TSPEAR: variants seen among roughly 807,000 people sequenced by gnomAD.
The protein encoded by TSPEAR is thrombospondin-type laminin G domain and EAR repeat-containing protein.
TSPEAR carries 69 observed loss-of-function variants against 71.6 expected under a neutral mutation model. That is an observed-to-expected ratio of 0.96 (90% CI 0.79 to 1.18). The LOEUF is 1.18. TSPEAR is among the 50% of genes most tolerant of loss of function. TSPEAR has a pLI of 0.00. For missense variants in TSPEAR, 971 were observed against 894.9 expected, an observed-to-expected ratio of 1.09 and a Z score of -1.09; for synonymous variants, 402 against 387.2, an observed-to-expected ratio of 1.04 and a Z score of -0.45.
intron 1 of TSPEAR, among the ~76,000 whole-genome samples, chr21:44,620,980 T>A (rs1223984861): frequency 1.3e-5 from 2 of 152,252 alleles, no homozygotes; most frequent in Non-Finnish European, 2.9e-5. Context: ...TTTTCTTTTG[T>A]TACTGATTTC....
intron 1 of TSPEAR, among the ~76,000 whole-genome samples, chr21:44,597,334 A>G (rs1311172395): frequency 6.6e-6 from 1 of 151,784 alleles, no homozygotes; most frequent in Admixed American, 6.6e-5. Flanking sequence ...TCTGATATTC[A>G]TAAGTCACAC....
At chr21:44,660,175 GAAGA>G (rs1985412129) in intron 1 of TSPEAR, among the ~76,000 whole-genome samples, 1 of 152,214 alleles carries the variant, frequency 6.6e-6, no homozygotes, top group African/African-American at 2.4e-5. Context: ...CCCTCAAAGA[GAAGA>G]AAGAGAGGGC....
At chr21:44,513,254 G>A (rs1226399422) in intron 9 of TSPEAR, among the ~76,000 whole-genome samples, 1 of 152,168 alleles carries the variant, frequency 6.6e-6, no homozygotes, top group Non-Finnish European at 1.5e-5. Flanking sequence ...GCCCCTTGCA[G>A]GTTGGAGTGA....
At chr21:44,521,764 A>G in intron 9 of TSPEAR, 119 bp downstream of exon 9, 2 of 949,110 alleles carry the variant, frequency 2.1e-6, no homozygotes, top group Admixed American at 2.2e-5. Flanking sequence ...TCACGGGTGC[A>G]GAGCAGCACT....
At chr21:44,668,075 G>C (rs910811528) in intron 1 of TSPEAR, among the ~76,000 whole-genome samples, 24 of 152,104 alleles carry the variant, frequency 1.6e-4, no homozygotes, top group Admixed American at 1.3e-3. Flanking sequence ...AAGAAAGAAA[G>C]AAACAAAAAG....
At chr21:44,655,335 G>T (rs1454534046) in intron 1 of TSPEAR, among the ~76,000 whole-genome samples, 4 of 152,340 alleles carry the variant, frequency 2.6e-5, no homozygotes, top group African/African-American at 9.6e-5. Context: ...GGGCTTGAAG[G>T]TTCAATAAGT....
intron 1 of TSPEAR, chr21:44,591,919 G>C (rs782772410): frequency 2.2e-5 from 35 of 1,604,268 alleles, no homozygotes; most frequent in Non-Finnish European, 2.6e-5. Context: ...CTCACAGACC[G>C]CCTGGCAGCA....
At chr21:44,702,182 C>T (rs1042406947) in intron 1 of TSPEAR, 6 of 1,505,226 alleles carry the variant, frequency 4.0e-6, no homozygotes, top group Non-Finnish European at 4.5e-6. Context: ...CCATCCACCC[C>T]ACAGAGCAAA....
At chr21:44,646,400 A>G in intron 1 of TSPEAR, 6 of 1,128,336 alleles carry the variant, frequency 5.3e-6, no homozygotes, top group Non-Finnish European at 7.3e-6. Flanking sequence ...TCACTCACTC[A>G]CACACACACT....
chr21:44,574,451 CGTCTGCTGCAAGACT>C lies in TSPEAR; in HGVS notation c.83-6461_83-6447del, dbSNP rs782744566. On this transcript the variant is annotated intron_variant, in intron 1 of 11. Coordinates refer to ENST00000323084, the MANE Select transcript of TSPEAR (RefSeq NM_144991.3). ...CCTGCCAGCAGGCCTGCTGCGTGCC[CGTCTGCTGCAAGACT>C]GTCTGCTGCAAGCCTGTGTGCTCTG... The C allele has an allele frequency of 8.6e-5, 138 of 1,599,308 alleles. 1 individual carries two copies. In the African/African-American group the frequency reaches 1.4e-3, roughly 16 times the overall value.
intron 2 of TSPEAR, among the ~76,000 whole-genome samples, chr21:44,562,959 A>G (rs1354530720): frequency 5.9e-5 from 9 of 152,218 alleles, no homozygotes; most frequent in Non-Finnish European, 7.4e-5. Flanking sequence ...GTAATTATAA[A>G]AAGTAGTACA....
intron 2 of TSPEAR, chr21:44,557,955 TG>T: frequency 7.1e-7 from 1 of 1,407,920 alleles, no homozygotes; most frequent in Non-Finnish European, 9.6e-7. Context: ...GCAGTGGCTA[TG>T]GGCAGAGGAG....
intron 1 of TSPEAR, chr21:44,647,431 T>A: frequency 6.6e-7 from 1 of 1,507,776 alleles, no homozygotes. Context: ...GCCCCTGGAG[T>A]CCTCAGAATC....
chr21:44,664,291 G>A (rs1555944266), intron 1 of TSPEAR, among the ~76,000 whole-genome samples: 1 of 152,000 alleles, frequency 6.6e-6, no homozygotes, highest in Non-Finnish European at 1.5e-5. Flanking sequence ...TAATATACTA[G>A]CAATGAACAA....
At chr21:44,558,675 G>A in intron 2 of TSPEAR, 1 of 1,613,064 alleles carries the variant, frequency 6.2e-7, no homozygotes, top group Non-Finnish European at 8.5e-7. Flanking sequence ...CCAGGAGTCA[G>A]AGTAAGCGCT....
intron 2 of TSPEAR, among the ~76,000 whole-genome samples, chr21:44,552,760 C>T (rs2053463966): frequency 6.6e-6 from 1 of 152,244 alleles, no homozygotes; most frequent in South Asian, 2.1e-4. Context: ...CCTCCCTGCA[C>T]ACCTGCCTCG....
Position 44,663,212 on chromosome 21 carries a change from G to A in TSPEAR, c.82+48221C>T, listed in dbSNP as rs587715999. 3.0e-4 allele frequency among the ~76,000 whole-genome samples: 45 copies of A among 151,382 alleles called. 1 individual carries two copies. Among genetic ancestry groups the A allele is most frequent in the African/African-American group, 8.7e-4 (36 of 41,304 alleles). On this transcript the variant is annotated intron_variant, in intron 1 of 11. Coordinates refer to ENST00000323084, the MANE Select transcript of TSPEAR (RefSeq NM_144991.3). Reference sequence around the variant, plus strand: ...GAATAAGCATCTAGCCAGACTGAGCGGTAAAATTATAATAAAAAGAAAAAA... The same window carrying A: ...GAATAAGCATCTAGCCAGACTGAGCAGTAAAATTATAATAAAAAGAAAAAA...
intron 2 of TSPEAR, among the ~76,000 whole-genome samples, chr21:44,563,267 G>C (rs1004896681): frequency 9.7e-4 from 147 of 152,174 alleles, no homozygotes; most frequent in African/African-American, 3.4e-3. Context: ...TAAAATTATA[G>C]GAAGTAATAA....
At chr21:44,631,804 G>A (rs1555935776) in intron 1 of TSPEAR, among the ~76,000 whole-genome samples, 1 of 152,168 alleles carries the variant, frequency 6.6e-6, no homozygotes, top group African/African-American at 2.4e-5. Context: ...CATACCAACA[G>A]CACACTTAAC....
Sources: gnomAD v4.1 joint callset for allele counts (sites outside exome capture counted in the v4.1 genomes callset) on GRCh38, gnomAD v4.1.1 for gene constraint, MANE v1.5 for transcripts, NCBI Gene and HGNC (gene_info 2026-07-23, HGNC 2026-07-21) for gene names.